EIF2AK2: variants seen among roughly 807,000 people sequenced by gnomAD.
The protein encoded by EIF2AK2 is interferon-induced, double-stranded RNA-activated protein kinase.
Under a neutral mutation model 70.5 loss-of-function variants are expected in EIF2AK2, and 40 were observed. The observed-to-expected ratio is 0.57, with a 90% CI of 0.44 to 0.74. The LOEUF (loss-of-function observed/expected upper bound fraction) is 0.74. Ranked by LOEUF, EIF2AK2 falls within the 30% of genes least tolerant of loss-of-function variation. EIF2AK2 has a pLI of 0.00. For missense variants in EIF2AK2, 555 were observed against 644.3 expected, an observed-to-expected ratio of 0.86 and a Z score of 1.50; for synonymous variants, 198 against 220.9, an observed-to-expected ratio of 0.90 and a Z score of 0.92.
chr2:37,131,664 C>G (rs1333374202), intron 10 of EIF2AK2, among the ~76,000 whole-genome samples: 2 of 152,012 alleles, frequency 1.3e-5, no homozygotes, highest in African/African-American at 4.8e-5. Flanking sequence ...CGTGTTTTAC[C>G]ACCTTACTTC....
chr2:37,139,269 C>T (rs1265198300), intron 6 of EIF2AK2, among the ~76,000 whole-genome samples: 3 of 148,940 alleles, frequency 2.0e-5, no homozygotes, highest in South Asian at 2.2e-4. Context: ...GAGCCGAGAT[C>T]GTGCCACTGC....
intron 1 of EIF2AK2, among the ~76,000 whole-genome samples, chr2:37,155,112 G>A (rs1311051973): frequency 1.3e-5 from 2 of 151,966 alleles, no homozygotes; most frequent in Non-Finnish European, 1.5e-5. Flanking sequence ...TCAAAAGCAC[G>A]CTTCCACCAT....
At chr2:37,144,250 T>A (rs1372399026) in intron 4 of EIF2AK2, among the ~76,000 whole-genome samples, 3 of 152,118 alleles carry the variant, frequency 2.0e-5, no homozygotes, top group Admixed American at 6.6e-5. Flanking sequence ...TATAAAAAAG[T>A]CTAGCACACA....
intron 10 of EIF2AK2, among the ~76,000 whole-genome samples, chr2:37,132,116 G>A (rs1674962110): frequency 2.0e-5 from 3 of 152,140 alleles, no homozygotes; most frequent in Non-Finnish European, 4.4e-5. Context: ...TTAGGGAACC[G>A]TGAGGCTGAC....
intron 1 of EIF2AK2, 168 bp from the exon 2 acceptor site, chr2:37,149,191 T>C (rs1675659524): frequency 9.1e-7 from 1 of 1,099,598 alleles, no homozygotes; most frequent in Non-Finnish European, 1.4e-6. Flanking sequence ...ATGCTTGTCG[T>C]GCCTGTGGTT....
chr2:37,125,792 G>A (rs1016322057), intron 11 of EIF2AK2, among the ~76,000 whole-genome samples: 2 of 152,174 alleles, frequency 1.3e-5, no homozygotes, highest in African/African-American at 4.8e-5. Flanking sequence ...CTGTTTTTAA[G>A]CACTGCATTT....
In EIF2AK2 at chr2:37,147,581, G is replaced by C. The variant is rs1030343994; in HGVS notation, c.119+107C>G. ...TGCGGTGTTTGGTTTTTTTGTCCTT[G>C]CGATAGTTTGCTGAGAATAATGGTT... On this transcript the variant is annotated intron_variant, in intron 3 of 16. Transcript: ENST00000233057. 4.7e-6 allele frequency: 3 copies of C among 633,952 alleles called. No homozygotes were observed. The Admixed American group carries it at 7.6e-5, about 16-fold the overall frequency. 39.3% of individuals were successfully genotyped at this position (633,952 alleles called of 1,614,324 possible).
intron 13 of EIF2AK2, among the ~76,000 whole-genome samples, chr2:37,117,908 A>G (rs909517352): frequency 6.6e-6 from 1 of 152,206 alleles, no homozygotes; most frequent in Non-Finnish European, 1.5e-5. Context: ...TGCAAAACAC[A>G]ACCCCAAAAT....
chr2:37,155,511 T>C (rs1675890774), intron 1 of EIF2AK2, among the ~76,000 whole-genome samples: 1 of 152,212 alleles, frequency 6.6e-6, no homozygotes, highest in Admixed American at 6.5e-5. Flanking sequence ...CCTTCTTTGA[T>C]GCTGGAGGGT....
Position 37,126,275 on chromosome 2 carries a change from C to A in EIF2AK2, c.908+14G>T. On this transcript the variant is annotated intron_variant, in intron 11 of 16. Transcript: ENST00000233057. ...ACCTTGCCATTCAAAAAAATGTAAA[C>A]ATTTACTACTTACTCGTTATTATAT... 6.4e-7 allele frequency: 1 copy of A among 1,570,580 alleles called. No individual in the cohort carries two copies. The highest frequency in any genetic ancestry group is 2.3e-5 in the East Asian group (1 of 43,970).
In EIF2AK2 at chr2:37,148,958, C is replaced by A. The variant is rs1398977309; in HGVS notation, c.-118G>T. 1 of 827,298 alleles carries A rather than the reference C, an allele frequency of 1.2e-6. No homozygotes were observed. The highest frequency in any genetic ancestry group is 1.7e-5 in the African/African-American group (1 of 60,006). The allele number at this position is 827,298 out of a possible 1,614,324, so 51.2% of individuals were successfully genotyped here. A position where few individuals can be genotyped will look rare whatever the true frequency, so the allele number is the denominator to read the frequency against. On this transcript the variant is annotated 5_prime_UTR_variant, in exon 2 of 17. Coordinates refer to ENST00000233057, the MANE Select transcript of EIF2AK2 (RefSeq NM_001135651.3). The stretch of plus-strand genomic sequence containing the variant: ...AGCAAACCTGAGTCAGATGGAAGAA[C>A]TGCTAAAGTTTTGAGGTCATTACAA...
intron 8 of EIF2AK2, 85 bp from the exon 9 acceptor site, chr2:37,137,102 G>T: frequency 8.3e-7 from 1 of 1,198,888 alleles, no homozygotes; most frequent in African/African-American, 1.5e-5. Context: ...TGTATATCTA[G>T]ATGGCTCTCT....
chr2:37,154,503 C>T (rs1473770372), intron 1 of EIF2AK2, among the ~76,000 whole-genome samples: 1 of 151,992 alleles, frequency 6.6e-6, no homozygotes, highest in African/African-American at 2.4e-5. Context: ...GATGGGGTTG[C>T]GCATCCTCTT....
Position 37,102,602 on chromosome 2 carries a change from A to C in EIF2AK2, c.*4671T>G, listed in dbSNP as rs753945982. On this transcript the variant is annotated 3_prime_UTR_variant, in exon 17 of 17. Coordinates refer to ENST00000233057, the MANE Select transcript of EIF2AK2 (RefSeq NM_001135651.3). ...ATACATACATGCATATATATGTATT[A>C]TATAAAATACATATTCATACACATA... The C allele has an allele frequency of 6.6e-6, 1 of 152,186 alleles. No individual in the cohort carries two copies. Among genetic ancestry groups the C allele is most frequent in the Non-Finnish European group, 1.5e-5 (1 of 68,038 alleles). 9.4% of individuals were successfully genotyped at this position (152,186 alleles called of 1,614,324 possible).
intron 13 of EIF2AK2, among the ~76,000 whole-genome samples, chr2:37,116,963 G>A (rs1344303920): frequency 4.6e-5 from 7 of 152,294 alleles, no homozygotes; most frequent in South Asian, 4.1e-4. Context: ...TGTAATCCCA[G>A]CACTTTGGGA....
At chr2:37,137,610 A>C (rs1446745106) in intron 8 of EIF2AK2, among the ~76,000 whole-genome samples, 1 of 152,236 alleles carries the variant, frequency 6.6e-6, no homozygotes, top group Non-Finnish European at 1.5e-5. Flanking sequence ...CACCAGCCTA[A>C]AAAATTATCT....
intron 10 of EIF2AK2, among the ~76,000 whole-genome samples, chr2:37,129,566 G>A (rs922260583): frequency 6.6e-6 from 1 of 152,182 alleles, no homozygotes; most frequent in Non-Finnish European, 1.5e-5. Context: ...AATTGGGACG[G>A]TATCTGGTAA....
At chr2:37,135,941 T>C (rs1233893908) in intron 9 of EIF2AK2, among the ~76,000 whole-genome samples, 1 of 152,232 alleles carries the variant, frequency 6.6e-6, no homozygotes, top group Non-Finnish European at 1.5e-5. Flanking sequence ...CCAACTTTTT[T>C]CTTTATAAAA....
chr2:37,122,851 G>A (rs1674603342), intron 11 of EIF2AK2, among the ~76,000 whole-genome samples, 187 bp from the exon 12 acceptor site: 1 of 152,084 alleles, frequency 6.6e-6, no homozygotes, highest in Non-Finnish European at 1.5e-5. Flanking sequence ...AAAAAACATA[G>A]CAGTTCTCAC....
Sources: allele counts gnomAD v4.1 joint callset (sites outside exome capture counted in the v4.1 genomes callset), GRCh38; gene constraint gnomAD v4.1.1; transcripts MANE v1.5; gene names NCBI Gene and HGNC (gene_info 2026-07-23, HGNC 2026-07-21).